Variants in CCDC102B observed in about 807,000 individuals in gnomAD.
The protein encoded by CCDC102B is coiled-coil domain-containing protein 102B.
In CCDC102B, 75 loss-of-function variants were observed where a neutral mutation model predicts 57.4. That is an observed-to-expected ratio of 1.31 (90% CI 1.08 to 1.58). The LOEUF is 1.58. Among genes scored for constraint, CCDC102B ranks in the 40% most tolerant of loss-of-function variants. The pLI is 0.00. For synonymous variants in CCDC102B, 206 were observed against 201.9 expected, an observed-to-expected ratio of 1.02 and a Z score of -0.17; for missense variants, 636 against 582.6, an observed-to-expected ratio of 1.09 and a Z score of -0.94.
At position 68,761,848 on chromosome 18, in the gene CCDC102B, G is replaced by A. The variant is rs502422; in HGVS notation, c.-67+45254G>A. On this transcript the variant is annotated intron_variant, in intron 2 of 3. Coordinates refer to the CCDC102B transcript ENST00000578970. The stretch of plus-strand genomic sequence containing the variant: ...ATATTTTTGACTTATTTTTAAAATC[G>A]TTATTTGTGCTTTCATTTGTTCTGA... Among the ~76,000 whole-genome samples, 881 of 151,990 alleles carry A rather than the reference G, an allele frequency of 5.8e-3. 5 individuals are homozygous for A. The highest frequency in any genetic ancestry group is 0.044 in the East Asian group (225 of 5,168).
chr18:68,924,066 A>T (rs1383073475), intron 6 of CCDC102B, among the ~76,000 whole-genome samples: 1 of 152,048 alleles, frequency 6.6e-6, no homozygotes, highest in Non-Finnish European at 1.5e-5. Context: ...TGTTACTACA[A>T]TATGTCTTAA....
intron 2 of CCDC102B, among the ~76,000 whole-genome samples, chr18:68,779,432 G>A (rs147479692): frequency 1.3e-5 from 2 of 152,030 alleles, no homozygotes; most frequent in African/African-American, 4.8e-5. Flanking sequence ...GTACAAAATT[G>A]CTTAAGGCAA....
chr18:69,027,494 C>T lies in CCDC102B; in HGVS notation c.1434+16390C>T, dbSNP rs539740568. ...CAGAAATGAAATTTTCCATATGCAACAGGCAAGATTCATTTTGATGGATTT... is the reference window on the plus strand; with the variant it reads ...CAGAAATGAAATTTTCCATATGCAATAGGCAAGATTCATTTTGATGGATTT... On this transcript the variant is annotated intron_variant, in intron 7 of 7. Coordinates refer to ENST00000360242, the MANE Select transcript of CCDC102B (RefSeq NM_024781.3). 3.0e-4 allele frequency among the ~76,000 whole-genome samples: 46 copies of T among 152,236 alleles called. 1 individual carries two copies. In the South Asian group the frequency reaches 8.3e-3, roughly 27 times the overall value.
chr18:68,856,697 G>A (rs555387725), intron 4 of CCDC102B, among the ~76,000 whole-genome samples: 5 of 152,082 alleles, frequency 3.3e-5, no homozygotes, highest in South Asian at 4.1e-4. Context: ...AATAATCTAC[G>A]AAGTTTAAAA....
chr18:68,807,320 A>T (rs913220900), intron 1 of CCDC102B, among the ~76,000 whole-genome samples: 7 of 152,142 alleles, frequency 4.6e-5, no homozygotes, highest in African/African-American at 9.7e-5. Context: ...ATAAAACTCA[A>T]TTTAGGAGTC....
At chr18:68,796,259 T>C (rs1337102276), upstream of CCDC102B, among the ~76,000 whole-genome samples, 2 of 152,124 alleles carry the variant, frequency 1.3e-5, no homozygotes, top group Non-Finnish European at 2.9e-5. Flanking sequence ...TATTGAAGTA[T>C]AATCAAAAGG....
chr18:68,751,022 G>A lies in CCDC102B; in HGVS notation c.-67+34428G>A, dbSNP rs151061883. 6.3e-3 allele frequency among the ~76,000 whole-genome samples: 960 copies of A among 152,030 alleles called. 9 individuals are homozygous for A. The highest frequency in any genetic ancestry group is 0.019 in the African/African-American group (789 of 41,476). On this transcript the variant is annotated intron_variant, in intron 2 of 3. Transcript: ENST00000578970. ...TTCAGTAGTCACATGGTGCAGCTAA[G>A]GGGCAAATAATGACCTAGAAATTAG...
intron 4 of CCDC102B, among the ~76,000 whole-genome samples, chr18:68,858,583 GGTGGGC>G (rs2038590024): frequency 6.6e-6 from 1 of 152,092 alleles, no homozygotes; most frequent in South Asian, 2.1e-4. Context: ...TTCTCACTAG[GGTGGGC>G]TATTGGAAAA....
intron 6 of CCDC102B, among the ~76,000 whole-genome samples, chr18:68,976,048 T>C (rs1024798933): frequency 3.3e-5 from 5 of 152,010 alleles, no homozygotes; most frequent in African/African-American, 1.2e-4. Context: ...TTACAGAAAA[T>C]TCACTTTTCT....
intron 2 of CCDC102B, among the ~76,000 whole-genome samples, chr18:68,737,551 G>T (rs1306141147): frequency 6.6e-6 from 1 of 151,758 alleles, no homozygotes; most frequent in Admixed American, 6.6e-5. Flanking sequence ...TGAAGGGAGG[G>T]TTTTCTCAAA....
chr18:68,999,684 T>C (rs890902845), intron 6 of CCDC102B, among the ~76,000 whole-genome samples: 1 of 152,158 alleles, frequency 6.6e-6, no homozygotes, highest in African/African-American at 2.4e-5. Flanking sequence ...CTAATGAATA[T>C]CTAAGACTTC....
intron 2 of CCDC102B, among the ~76,000 whole-genome samples, chr18:68,728,101 T>C (rs2032682382): frequency 6.6e-6 from 1 of 152,194 alleles, no homozygotes; most frequent in Admixed American, 6.5e-5. Context: ...TATGGGTCTA[T>C]GAAATGAGTG....
At chr18:68,911,331 G>T (rs992504586) in intron 6 of CCDC102B, among the ~76,000 whole-genome samples, 1 of 152,118 alleles carries the variant, frequency 6.6e-6, no homozygotes, top group Non-Finnish European at 1.5e-5. Flanking sequence ...AGCTAACGCA[G>T]GAACAGAAAA....
At chr18:68,745,559 C>A (rs969714191) in intron 2 of CCDC102B, among the ~76,000 whole-genome samples, 2 of 151,988 alleles carry the variant, frequency 1.3e-5, no homozygotes, top group African/African-American at 4.8e-5. Flanking sequence ...GTATCTATCA[C>A]CTCAAATATT....
intron 6 of CCDC102B, among the ~76,000 whole-genome samples, chr18:68,995,546 G>A (rs1568110211): frequency 6.6e-6 from 1 of 152,080 alleles, no homozygotes; most frequent in Non-Finnish European, 1.5e-5. Flanking sequence ...GAGGGTACAG[G>A]CCCCAAGACT....
chr18:68,994,289 T>C (rs898180588), intron 6 of CCDC102B, among the ~76,000 whole-genome samples: 2 of 152,216 alleles, frequency 1.3e-5, no homozygotes, highest in South Asian at 2.1e-4. Flanking sequence ...GTGAAGTTTG[T>C]AAATATTCAT....
At chr18:69,017,027 A>C (rs2051687446) in intron 7 of CCDC102B, among the ~76,000 whole-genome samples, 1 of 152,142 alleles carries the variant, frequency 6.6e-6, no homozygotes, top group East Asian at 1.9e-4. Context: ...TTATTTATAA[A>C]ATTAAAAAGG....
At chr18:68,876,946 G>T (rs1360008759) in intron 5 of CCDC102B, among the ~76,000 whole-genome samples, 1 of 152,124 alleles carries the variant, frequency 6.6e-6, no homozygotes, top group Non-Finnish European at 1.5e-5. Flanking sequence ...ATAGAAATCT[G>T]ATAAATAGAA....
intron 2 of CCDC102B, chr18:68,838,279 T>G (rs2037472745): frequency 1.1e-5 from 5 of 458,170 alleles, no homozygotes; most frequent in Non-Finnish European, 1.4e-5. Context: ...TTTAAAATAT[T>G]CAACAGCTTC....
Sources: gnomAD v4.1 joint callset for allele counts (sites outside exome capture counted in the v4.1 genomes callset) on GRCh38, gnomAD v4.1.1 for gene constraint, MANE v1.5 for transcripts, NCBI Gene and HGNC (gene_info 2026-07-23, HGNC 2026-07-21) for gene names.